PCDHGB1: variants seen among roughly 807,000 people sequenced by gnomAD.
PCDHGB1 encodes the protein protocadherin gamma-B1.
PCDHGB1 carries 34 observed loss-of-function variants against 56.6 expected under a neutral mutation model. The ratio of observed to expected loss-of-function variants is 0.60; its 90% CI spans 0.46 to 0.80. The LOEUF (loss-of-function observed/expected upper bound fraction) is 0.80, where lower values mean the gene tolerates loss of function less well. Ranked by LOEUF, PCDHGB1 falls within the 30% of genes least tolerant of loss-of-function variation. The pLI, the probability that PCDHGB1 is intolerant of heterozygous loss-of-function variation, is 0.00. For synonymous variants in PCDHGB1, 561 were observed against 505.9 expected (o/e 1.11, Z -1.46); for missense variants, 1,278 against 1,204.6 (o/e 1.06, Z -0.90).
At chr5:141,438,635 TACAC>T (rs56854727) in intron 1 of PCDHGB1, among the ~76,000 whole-genome samples, 720 of 33,094 alleles carry the variant, frequency 0.022, 7 homozygotes, top group Middle Eastern at 0.05. Context: ...TATATATATA[TACAC>T]ACACACACAC....
intron 1 of PCDHGB1, chr5:141,364,142 A>C (rs1588593091): frequency 3.9e-6 from 2 of 513,968 alleles, no homozygotes; most frequent in South Asian, 1.1e-4. Context: ...CCAAAGTGGG[A>C]AAGAAGCTGC....
At chr5:141,505,977 G>A (rs944259753) in intron 3 of PCDHGB1, among the ~76,000 whole-genome samples, 1 of 152,150 alleles carries the variant, frequency 6.6e-6, no homozygotes, top group East Asian at 1.9e-4. Flanking sequence ...CCAGCCGAGA[G>A]AACACCTCCT....
At position 141,352,389 on chromosome 5, in the gene PCDHGB1, G is replaced by C. The variant is rs768350578; in HGVS notation, c.2129G>C (p.Arg710Pro). The change falls in exon 1 of 4, where the codon CGC becomes CCC. Residue 710 changes from arginine to proline, a missense_variant. By Grantham distance (103) the Arg-to-Pro change is moderately radical. Transcript: ENST00000523390. ...LLAVILAIAL[R>P]LRRSSSLDTE... ...GCGGTGATTCTAGCGATCGCCCTGC[G>C]CCTGCGACGTTCCTCCAGCCTCGAC... The C allele has an allele frequency of 6.2e-6, 10 of 1,613,888 alleles. No homozygotes were observed. The Admixed American group carries it at 1.0e-4, about 16-fold the overall frequency.
At chr5:141,411,846 T>C (rs962000304) in intron 1 of PCDHGB1, 1 of 151,734 alleles carries the variant, frequency 6.6e-6, no homozygotes, top group African/African-American at 2.4e-5. Context: ...GGTGACAGAG[T>C]GAGACCCTGT....
chr5:141,409,613 A>G lies in PCDHGB1; in HGVS notation c.2409+56944A>G, dbSNP rs370495173. On this transcript the variant is annotated intron_variant, in intron 1 of 3. Coordinates refer to ENST00000523390, the MANE Select transcript of PCDHGB1 (RefSeq NM_018922.3). Reference sequence around the variant, plus strand: ...CGAGAACAACCCGCCAGGAGCCTCCATTGCGCAAGTGAGCGCCTCTGACCC... The same window carrying G: ...CGAGAACAACCCGCCAGGAGCCTCCGTTGCGCAAGTGAGCGCCTCTGACCC... The G allele has an allele frequency of 8.4e-5, 136 of 1,613,856 alleles. No individual in the cohort carries two copies. Among genetic ancestry groups the G allele is most frequent in the Middle Eastern group, 8.2e-4 (5 of 6,062 alleles).
At chr5:141,366,814 C>G (rs1764814519) in intron 1 of PCDHGB1, 6 of 1,549,164 alleles carry the variant, frequency 3.9e-6, no homozygotes, top group African/African-American at 2.7e-5. Context: ...TTTCATGTTT[C>G]TGTCATATTC....
At chr5:141,509,968 C>A (rs1450809995) in intron 3 of PCDHGB1, among the ~76,000 whole-genome samples, 1 of 152,166 alleles carries the variant, frequency 6.6e-6, no homozygotes, top group Non-Finnish European at 1.5e-5. Context: ...TGGCCTTGGT[C>A]CTTCTAACAC....
chr5:141,400,558 C>A, intron 1 of PCDHGB1: 1 of 1,613,290 alleles, frequency 6.2e-7, no homozygotes, highest in Non-Finnish European at 8.5e-7. Context: ...TTTTTCATTA[C>A]CCACCCAATT....
intron 1 of PCDHGB1, chr5:141,421,166 A>T: frequency 7.7e-7 from 1 of 1,301,524 alleles, no homozygotes; most frequent in Non-Finnish European, 1.0e-6. Context: ...CTTCATAGAT[A>T]CATAAGCCGA....
chr5:141,496,277 T>C (rs1484877198), intron 2 of PCDHGB1, among the ~76,000 whole-genome samples: 1 of 152,134 alleles, frequency 6.6e-6, no homozygotes, highest in Non-Finnish European at 1.5e-5. Context: ...AGACCTTCAG[T>C]TGGTCTGAGC....
At chr5:141,409,331 G>A (rs1447189643) in intron 1 of PCDHGB1, 1 of 1,613,818 alleles carries the variant, frequency 6.2e-7, no homozygotes, top group African/African-American at 1.3e-5. Context: ...TCTGGATTTC[G>A]GAGGAAATGG....
At position 141,512,091 on chromosome 5, in the gene PCDHGB1, A is replaced by C. The variant is rs1329025049; in HGVS notation, c.*918A>C. On this transcript the variant is annotated 3_prime_UTR_variant, in exon 4 of 4. Transcript: ENST00000523390. The stretch of plus-strand genomic sequence containing the variant: ...TCCAGATTCCAGCCATAAACCAATA[A>C]CTAGGCTGGACCCTTCCCACTACAT... 1 of 152,656 alleles carries C rather than the reference A, an allele frequency of 6.6e-6. No homozygotes were observed. The highest frequency in any genetic ancestry group is 2.4e-5 in the African/African-American group (1 of 41,456). 9.5% of individuals were successfully genotyped at this position (152,656 alleles called of 1,614,324 possible). A position where few individuals can be genotyped will look rare whatever the true frequency, so the allele number is the denominator to read the frequency against.
intron 1 of PCDHGB1, among the ~76,000 whole-genome samples, chr5:141,488,554 T>C (rs1313975033): frequency 6.6e-6 from 1 of 152,064 alleles, no homozygotes; most frequent in African/African-American, 2.4e-5. Context: ...CAGCTGACAT[T>C]GAGATTTCCG....
chr5:141,421,799 A>G (rs778353620), intron 1 of PCDHGB1: 1 of 1,613,860 alleles, frequency 6.2e-7, no homozygotes, highest in South Asian at 1.1e-5. Flanking sequence ...GATGGGGCCA[A>G]GAATCCAGAG....
chr5:141,487,890 G>C lies in PCDHGB1; in HGVS notation c.2410-6917G>C. 3 of 745,430 alleles carry C rather than the reference G, an allele frequency of 4.0e-6. No homozygotes were observed. Among genetic ancestry groups the C allele is most frequent in the Non-Finnish European group, 6.5e-6 (3 of 462,522 alleles). The allele number at this position is 745,430 out of a possible 1,614,324, so 46.2% of individuals were successfully genotyped here. A position where few individuals can be genotyped will look rare whatever the true frequency, so the allele number is the denominator to read the frequency against. On this transcript the variant is annotated intron_variant, in intron 1 of 3. Coordinates refer to ENST00000523390, the MANE Select transcript of PCDHGB1 (RefSeq NM_018922.3). This position sits in a 1 kb window ranked among gnomAD's most constrained non-coding sequence, Gnocchi z 5.0. ...AAGAGCCAGGCTGTTGTGGAAGCAT[G>C]ATGATGGAATGTGGGAGCACAGGAG...
At chr5:141,507,474 C>T (rs774159694) in intron 3 of PCDHGB1, among the ~76,000 whole-genome samples, 2 of 152,196 alleles carry the variant, frequency 1.3e-5, no homozygotes, top group Non-Finnish European at 2.9e-5. Flanking sequence ...GCAGGGACTG[C>T]TGGCCTCCTG....
rs755706235 is a variant in PCDHGB1 at position 141,476,450 on chromosome 5, G to A, written c.2410-18357G>A. ...TTGCACTGTAACTCTGGAGTTGGTA[G>A]TGGAGAACCCGCTGGAGCTGTTCAG... On this transcript the variant is annotated intron_variant, in intron 1 of 3. Transcript: ENST00000523390. The surrounding 1 kb of genome is among the most constrained non-coding windows in gnomAD (Gnocchi z 7.6). The A allele has an allele frequency of 6.2e-7, 1 of 1,614,180 alleles. No individual in the cohort carries two copies. The highest frequency in any genetic ancestry group is 8.5e-7 in the Non-Finnish European group (1 of 1,180,040).
Position 141,489,316 on chromosome 5 carries a change from T to C in PCDHGB1, c.2410-5491T>C, listed in dbSNP as rs2099685399. On this transcript the variant is annotated intron_variant, in intron 1 of 3. Transcript: ENST00000523390. This position sits in a 1 kb window ranked among gnomAD's most constrained non-coding sequence, Gnocchi z 4.5. The stretch of plus-strand genomic sequence containing the variant: ...CATGTTGTCCTTGTGCTGCTGGGGC[T>C]GGGTGTCTGGGCAGCTTCGTTACTC... The C allele has an allele frequency of 1.3e-6, 2 of 1,597,946 alleles. No individual in the cohort carries two copies. Among genetic ancestry groups the C allele is most frequent in the Admixed American group, 1.7e-5 (1 of 58,864 alleles).
Position 141,351,527 on chromosome 5 carries a change from A to C in PCDHGB1, c.1267A>C (p.Lys423Gln). 2 of 1,614,026 alleles carry C rather than the reference A, an allele frequency of 1.2e-6. No individual in the cohort carries two copies. Among genetic ancestry groups the C allele is most frequent in the Non-Finnish European group, 1.7e-6 (2 of 1,179,898 alleles). The change falls in exon 1 of 4, where the codon AAG (lysine) becomes CAG (glutamine). Residue 423 changes from lysine to glutamine, a missense_variant. By Grantham distance (53) the Lys-to-Gln change is moderately conservative. Coordinates refer to ENST00000523390, the MANE Select transcript of PCDHGB1 (RefSeq NM_018922.3). ...CAACGTCACAATCATAGCCACCGAC[A>C]AGGGCAAACCAGCCCTTTCCTCCAG... ...DYNVTIIATDKGKPALSSRTS... is the reference protein window; with the variant it reads ...DYNVTIIATDQGKPALSSRTS...
Sources: gnomAD v4.1 joint callset for allele counts (sites outside exome capture counted in the v4.1 genomes callset) on GRCh38, gnomAD v4.1.1 for gene constraint, Gnocchi (gnomAD v3.1) non-coding constraint, MANE v1.5 for transcripts, NCBI Gene and HGNC (gene_info 2026-07-23, HGNC 2026-07-21) for gene names.